TMEM184B: variants seen among roughly 807,000 people sequenced by gnomAD.
TMEM184B encodes putative MAPK-activating protein FM08.
Under a neutral mutation model 41.8 loss-of-function variants are expected in TMEM184B, and 17 were observed. That is an observed-to-expected ratio of 0.41 (90% CI 0.28 to 0.61). The LOEUF is 0.61. Among genes scored for constraint, TMEM184B ranks in the 20% least tolerant of loss-of-function variants. TMEM184B has a pLI of 0.34. For synonymous variants in TMEM184B, 240 were observed against 229.5 expected (o/e 1.05, Z -0.41); for missense variants, 393 against 557.8 (o/e 0.70, Z 2.98).
chr22:38,246,881 C>G (rs2092043390), intron 2 of TMEM184B: 1 of 1,302,708 alleles, frequency 7.7e-7, no homozygotes, highest in East Asian at 5.6e-5. Context: ...CAGCCGAGCC[C>G]TGGGCTGGGG....
chr22:38,258,239 G>A (rs1409821319), intron 1 of TMEM184B, among the ~76,000 whole-genome samples: 3 of 152,014 alleles, frequency 2.0e-5, no homozygotes, highest in Non-Finnish European at 4.4e-5. Context: ...AAGTCCAGGT[G>A]CACTGTCCTG....
chr22:38,244,202 G>A (rs1344671455), intron 3 of TMEM184B, among the ~76,000 whole-genome samples: 1 of 152,108 alleles, frequency 6.6e-6, no homozygotes, highest in Non-Finnish European at 1.5e-5. Context: ...GGATACACAA[G>A]TTTCAACGTG....
At chr22:38,270,782 C>T (rs965760876) in intron 1 of TMEM184B, among the ~76,000 whole-genome samples, 2 of 152,222 alleles carry the variant, frequency 1.3e-5, no homozygotes, top group South Asian at 4.1e-4. Flanking sequence ...GCTGTTTCCA[C>T]TCCAGGGAAT....
rs1195622429 is a variant in TMEM184B at position 38,225,855 on chromosome 22, T to C, written c.618-262A>G. On this transcript the variant is annotated intron_variant, in intron 6 of 8. Transcript: ENST00000361906. This position sits in a 1 kb window ranked among gnomAD's most constrained non-coding sequence, Gnocchi z 4.4. Reference sequence around the variant, plus strand: ...AGCCCTGGTGCCCACACTCCTAACGTTGGACACCAGTGTGGAAGCCAGGGC... The same window carrying C: ...AGCCCTGGTGCCCACACTCCTAACGCTGGACACCAGTGTGGAAGCCAGGGC... 2.0e-5 allele frequency among the ~76,000 whole-genome samples: 3 copies of C among 152,154 alleles called. No homozygotes were observed. The highest frequency in any genetic ancestry group is 4.4e-5 in the Non-Finnish European group (3 of 68,026).
intron 1 of TMEM184B, chr22:38,272,479 CG>C: frequency 1.0e-6 from 1 of 985,648 alleles, no homozygotes; most frequent in East Asian, 1.1e-4. Flanking sequence ...GCACAGGGCA[CG>C]GACGCCTCCC....
At chr22:38,237,823 G>A (rs528492187) in intron 3 of TMEM184B, among the ~76,000 whole-genome samples, 144 of 149,680 alleles carry the variant, frequency 9.6e-4, no homozygotes, top group African/African-American at 2.7e-3. Context: ...TTTTTTAGAC[G>A]GAGTTTCGCT....
chr22:38,227,129 A>G (rs901461670), intron 5 of TMEM184B, among the ~76,000 whole-genome samples: 2 of 151,962 alleles, frequency 1.3e-5, no homozygotes, highest in African/African-American at 4.8e-5. Context: ...GGCGGGGGGC[A>G]GAACATATAG....
intron 1 of TMEM184B, among the ~76,000 whole-genome samples, chr22:38,271,774 C>T (rs1239685075): frequency 1.3e-5 from 2 of 152,202 alleles, no homozygotes; most frequent in Non-Finnish European, 2.9e-5. Flanking sequence ...CCCCAGCGTC[C>T]CAGGTCCCAA....
intron 3 of TMEM184B, among the ~76,000 whole-genome samples, chr22:38,238,532 G>A (rs1022852836): frequency 6.6e-6 from 1 of 152,184 alleles, no homozygotes; most frequent in African/African-American, 2.4e-5. Flanking sequence ...CCACTATCGA[G>A]GTCTTATAAT....
rs2091416111 is a variant in TMEM184B, at chr22:38,225,772, G to T, written c.618-179C>A. On this transcript the variant is annotated intron_variant, in intron 6 of 8. Coordinates refer to ENST00000361906, the MANE Select transcript of TMEM184B (RefSeq NM_012264.5). The surrounding 1 kb of genome is among the most constrained non-coding windows in gnomAD (Gnocchi z 4.4). ...GACAGACAGGGGTGGGGGTACATGG[G>T]GTGCGCCTGCAGGCCAGACCAGCTC... Among the ~76,000 whole-genome samples the T allele has an allele frequency of 6.6e-6, 1 of 152,176 alleles. No individual in the cohort carries two copies. Among genetic ancestry groups the T allele is most frequent in the African/African-American group, 2.4e-5 (1 of 41,440 alleles).
rs1464822905 is a variant in TMEM184B at position 38,226,658 on chromosome 22, G to C, written c.617+121C>G. The C allele has an allele frequency of 1.0e-6, 1 of 991,232 alleles. No homozygotes were observed. Among genetic ancestry groups the C allele is most frequent in the African/African-American group, 1.6e-5 (1 of 62,350 alleles). The allele number at this position is 991,232 out of a possible 1,614,324, so 61.4% of individuals were successfully genotyped here. The stretch of plus-strand genomic sequence containing the variant: ...GGCTCAGACTTCAGGGGGGTTGTGA[G>C]CACCAGACACCCAGGAAGGTCATGG... On this transcript the variant is annotated intron_variant, in intron 6 of 8. Transcript: ENST00000361906. This position sits in a 1 kb window ranked among gnomAD's most constrained non-coding sequence, Gnocchi z 4.6.
chr22:38,229,119 G>T (rs1363075942), intron 5 of TMEM184B, among the ~76,000 whole-genome samples: 1 of 152,266 alleles, frequency 6.6e-6, no homozygotes, highest in Non-Finnish European at 1.5e-5. Context: ...CCCGCCCTGT[G>T]GCCTGGGCCC....
chr22:38,243,933 C>T (rs2091968672), intron 3 of TMEM184B, among the ~76,000 whole-genome samples: 1 of 151,994 alleles, frequency 6.6e-6, no homozygotes, highest in Admixed American at 6.6e-5. Flanking sequence ...GGGCCGAGGA[C>T]CTGGATGGGT....
intron 5 of TMEM184B, among the ~76,000 whole-genome samples, chr22:38,228,701 T>C (rs770917073): frequency 4.1e-4 from 63 of 152,226 alleles, no homozygotes; most frequent in East Asian, 3.9e-4. Flanking sequence ...AGGACAAAGC[T>C]GTGGGGTGTG....
rs745635160 is a variant in TMEM184B, at chr22:38,230,693, G to A, written c.501C>T (p.Ile167=). The A allele has an allele frequency of 5.4e-5, 87 of 1,612,112 alleles. No homozygotes were observed. Among genetic ancestry groups the A allele is most frequent in the Middle Eastern group, 4.9e-4 (3 of 6,082 alleles). ...TCCLWGKTYS[I]GFLRFCKQAT... ...CCTGTTTGCAGAACCTCAGAAATCC[G>A]ATGGAATAAGTCTTTCCCCAGAGGC... is the stretch of plus-strand genomic sequence containing the variant. Residue 167 remains isoleucine (I), a synonymous_variant, in exon 5 of 9, where the codon ATC becomes ATT. Coordinates refer to ENST00000361906, the MANE Select transcript of TMEM184B (RefSeq NM_012264.5).
intron 1 of TMEM184B, among the ~76,000 whole-genome samples, chr22:38,261,924 A>G (rs184902007): frequency 6.6e-6 from 1 of 152,414 alleles, no homozygotes; most frequent in East Asian, 1.9e-4. Flanking sequence ...TGAGTCAGGT[A>G]AGCCATCAAC....
downstream of TMEM184B, among the ~76,000 whole-genome samples, chr22:38,218,787 A>G (rs188111762): frequency 6.6e-6 from 1 of 152,142 alleles, no homozygotes; most frequent in African/African-American, 2.4e-5. Flanking sequence ...CCCCACCCAC[A>G]CCGCATTCCT....
downstream of TMEM184B, among the ~76,000 whole-genome samples, chr22:38,217,838 AAAAAAAAAAG>A (rs922604796): frequency 6.9e-6 from 1 of 144,838 alleles, no homozygotes; most frequent in African/African-American, 2.6e-5. Flanking sequence ...CTCAAAAAAA[AAAAAAAAAAG>A]AAAAGAAAAG....
At chr22:38,250,417 G>C (rs967922100) in intron 1 of TMEM184B, among the ~76,000 whole-genome samples, 3 of 152,224 alleles carry the variant, frequency 2.0e-5, no homozygotes, top group African/African-American at 7.2e-5. Flanking sequence ...ACTGGAGAAG[G>C]CGTCTATATA....
Sources: gnomAD v4.1 joint callset for allele counts (sites outside exome capture counted in the v4.1 genomes callset) on GRCh38, gnomAD v4.1.1 for gene constraint, Gnocchi (gnomAD v3.1) non-coding constraint, MANE v1.5 for transcripts, NCBI Gene and HGNC (gene_info 2026-07-23, HGNC 2026-07-21) for gene names.